The following DPP6 variants were observed in gnomAD, a reference collection of about 807,000 sequenced individuals.
The protein encoded by DPP6 is A-type potassium channel modulatory protein DPP6.
A neutral mutation model predicts 122.6 loss-of-function variants in DPP6; 69 were observed. That is an observed-to-expected ratio of 0.56 (90% confidence interval 0.46 to 0.69). The LOEUF (loss-of-function observed/expected upper bound fraction) is 0.69. Ranked by LOEUF, DPP6 falls within the 30% of genes least tolerant of loss-of-function variation. DPP6 has a pLI of 0.00. For synonymous variants in DPP6, 418 were observed against 433.1 expected (o/e 0.97, Z 0.43); for missense variants, 928 against 1,116.9 (o/e 0.83, Z 2.41).
the DPP6 span, among the ~76,000 whole-genome samples, chr7:153,791,752 T>G: frequency 6.6e-6 from 1 of 152,212 alleles, no homozygotes; most frequent in Non-Finnish European, 1.5e-5. Flanking sequence ...ATATAATAAT[T>G]TGGTTCTTAT....
At chr7:154,646,894 A>G (rs958595333) in intron 6 of DPP6, among the ~76,000 whole-genome samples, 2 of 152,178 alleles carry the variant, frequency 1.3e-5, no homozygotes, top group Non-Finnish European at 2.9e-5. Context: ...GCCACCTGCA[A>G]AGGGAGTCAT....
At chr7:154,769,595 C>A in intron 9 of DPP6, 24 bp downstream of exon 9, 1 of 1,553,856 alleles carries the variant, frequency 6.4e-7, no homozygotes, top group Non-Finnish European at 8.7e-7. Flanking sequence ...CACCGCACAG[C>A]AAATTCTTTA....
At chr7:154,459,452 AG>A (rs1469829144) in intron 2 of DPP6, among the ~76,000 whole-genome samples, 3 of 152,202 alleles carry the variant, frequency 2.0e-5, no homozygotes, top group African/African-American at 7.2e-5. Flanking sequence ...CTCTCAATTC[AG>A]GTATGAGTAT....
chr7:154,069,825 G>GCAT (rs1469417754), intron 1 of DPP6, among the ~76,000 whole-genome samples: 16 of 146,010 alleles, frequency 1.1e-4, no homozygotes, highest in African/African-American at 3.8e-4. Flanking sequence ...GCCGAGGCGG[G>GCAT]CGGATCACGA....
intron 1 of DPP6, among the ~76,000 whole-genome samples, chr7:154,327,309 C>T (rs537573618): frequency 1.1e-4 from 16 of 152,258 alleles, no homozygotes; most frequent in Non-Finnish European, 1.9e-4. Flanking sequence ...TTTGCTTAGG[C>T]CAGTCCTGGT....
At chr7:153,865,761 C>G in the DPP6 span, among the ~76,000 whole-genome samples, 1 of 151,872 alleles carries the variant, frequency 6.6e-6, no homozygotes, top group Non-Finnish European at 1.5e-5. Context: ...ATTAACTCGT[C>G]ATTTAGCATT....
chr7:154,593,113 G>C (rs75656660), intron 5 of DPP6, among the ~76,000 whole-genome samples: 1,579 of 152,276 alleles, frequency 0.01, 13 homozygotes, highest in Non-Finnish European at 0.015. Flanking sequence ...CATCACAGCA[G>C]GGTAGGATGC....
At chr7:154,783,724 C>G (rs1370444911) in intron 10 of DPP6, among the ~76,000 whole-genome samples, 36 of 152,218 alleles carry the variant, frequency 2.4e-4, no homozygotes, top group Admixed American at 2.4e-3. Flanking sequence ...TGACAGGCAT[C>G]TGCAGGTCCC....
chr7:154,076,281 C>A (rs969644574), intron 1 of DPP6, among the ~76,000 whole-genome samples: 9 of 152,146 alleles, frequency 5.9e-5, no homozygotes, highest in African/African-American at 2.2e-4. Flanking sequence ...GAACCCCTGT[C>A]CCTACTAAAA....
intron 1 of DPP6, among the ~76,000 whole-genome samples, chr7:154,287,249 G>T (rs1804915336): frequency 6.6e-6 from 1 of 152,202 alleles, no homozygotes; most frequent in South Asian, 2.1e-4. Flanking sequence ...TAATGCCAGG[G>T]TTCACATGTG....
chr7:154,707,390 T>C lies in DPP6; in HGVS notation c.763-20377T>C, dbSNP rs186335359. Among the ~76,000 whole-genome samples the C allele has an allele frequency of 6.8e-4, 103 of 152,342 alleles. 1 individual carries two copies. The highest frequency in any genetic ancestry group is 2.5e-3 in the African/African-American group (102 of 41,580). On this transcript the variant is annotated intron_variant, in intron 7 of 25. Transcript: ENST00000377770. ...TTAAATGATTTTTTTTGCCATATCC[T>C]AGAGCTGCCTAGGCAAGAACCAATG... is the stretch of plus-strand genomic sequence containing the variant.
intron 1 of DPP6, among the ~76,000 whole-genome samples, chr7:153,976,959 G>A (rs1281096066): frequency 7.2e-5 from 11 of 152,190 alleles, no homozygotes; most frequent in South Asian, 2.1e-4. Context: ...GGGGTGAGCC[G>A]TGGTCCTGCT....
intron 1 of DPP6, among the ~76,000 whole-genome samples, chr7:154,204,767 A>G (rs2150793458): frequency 6.9e-6 from 1 of 145,724 alleles, no homozygotes; most frequent in East Asian, 2.0e-4. Flanking sequence ...GACTGCTCTT[A>G]ACTAGCTTGA....
At chr7:154,022,003 G>A (rs955473355) in intron 1 of DPP6, among the ~76,000 whole-genome samples, 3 of 152,028 alleles carry the variant, frequency 2.0e-5, no homozygotes, top group Non-Finnish European at 4.4e-5. Flanking sequence ...CAGCTGTTAA[G>A]GCCAACTCAG....
chr7:153,759,915 GTCTCTCTCTCTCTCTC>G, the DPP6 span, among the ~76,000 whole-genome samples: 9 of 128,024 alleles, frequency 7.0e-5, no homozygotes, highest in Non-Finnish European at 1.1e-4. Context: ...CTCTGTTTCT[GTCTCTCTCTCTCTCTC>G]TCTGTTTCTG....
chr7:154,798,051 C>T (rs555455312), intron 12 of DPP6, among the ~76,000 whole-genome samples: 73 of 152,266 alleles, frequency 4.8e-4, no homozygotes, highest in Middle Eastern at 6.8e-3. Flanking sequence ...AGGTGAGGGA[C>T]GTGATTCTTT....
At chr7:154,617,133 A>G (rs570028307) in intron 5 of DPP6, among the ~76,000 whole-genome samples, 23 of 152,324 alleles carry the variant, frequency 1.5e-4, no homozygotes, top group Non-Finnish European at 2.2e-4. Flanking sequence ...TAAAGCATAT[A>G]CTTACCAAGC....
intron 1 of DPP6, among the ~76,000 whole-genome samples, chr7:154,342,409 T>C (rs1460759883): frequency 1.3e-5 from 2 of 152,230 alleles, no homozygotes; most frequent in Non-Finnish European, 1.5e-5. Flanking sequence ...GGACAGATTC[T>C]GTCCAGCCTA....
intron 16 of DPP6, among the ~76,000 whole-genome samples, chr7:154,843,942 T>G (rs988869405): frequency 6.6e-6 from 1 of 152,248 alleles, no homozygotes; most frequent in Admixed American, 6.5e-5. Flanking sequence ...AGTAAATGCT[T>G]TGTCTATTTC....
Sources: allele counts gnomAD v4.1 joint callset (sites outside exome capture counted in the v4.1 genomes callset), GRCh38; gene constraint gnomAD v4.1.1; transcripts MANE v1.5; gene names NCBI Gene and HGNC (gene_info 2026-07-23, HGNC 2026-07-21).